PDE1A: variants seen among roughly 807,000 people sequenced by gnomAD.
PDE1A encodes dual specificity calcium/calmodulin-dependent 3',5'-cyclic nucleotide phosphodiesterase 1A.
Under a neutral mutation model 61.7 loss-of-function variants are expected in PDE1A, and 35 were observed. That is an observed-to-expected ratio of 0.57 (90% CI 0.43 to 0.75). The LOEUF is 0.75. Among genes scored for constraint, PDE1A ranks in the 30% least tolerant of loss-of-function variants. The pLI is 0.00. For missense variants in PDE1A, 597 were observed against 630.6 expected (o/e 0.95, Z 0.57); for synonymous variants, 232 against 213.2 (o/e 1.09, Z -0.77).
chr2:182,577,306 ATT>A, the PDE1A span, among the ~76,000 whole-genome samples: 2 of 152,212 alleles, frequency 1.3e-5, no homozygotes, highest in Admixed American at 6.5e-5. Context: ...AAATATTCAT[ATT>A]GTTACCAAAT....
intron 1 of PDE1A, among the ~76,000 whole-genome samples, chr2:182,419,318 T>C (rs2125570997): frequency 6.6e-6 from 1 of 151,718 alleles, no homozygotes; most frequent in South Asian, 2.1e-4. Context: ...ATTGATTTTC[T>C]CATTCTTTTT....
intron 2 of PDE1A, among the ~76,000 whole-genome samples, chr2:182,445,295 T>C (rs755220302): frequency 2.6e-5 from 4 of 152,120 alleles, no homozygotes; most frequent in Non-Finnish European, 4.4e-5. Flanking sequence ...AATGTAAGCC[T>C]AAAGTCAGCT....
At chr2:182,411,788 C>T (rs959245254) in intron 1 of PDE1A, among the ~76,000 whole-genome samples, 1 of 151,964 alleles carries the variant, frequency 6.6e-6, no homozygotes, top group Admixed American at 6.6e-5. Context: ...ACAAAATGGC[C>T]CCAACAACAC....
chr2:182,211,895 T>C (rs1020360329), intron 7 of PDE1A, among the ~76,000 whole-genome samples: 5 of 152,152 alleles, frequency 3.3e-5, no homozygotes, highest in Admixed American at 1.3e-4. Context: ...AGGAGTTTTT[T>C]GGTCAATTCT....
the PDE1A span, among the ~76,000 whole-genome samples, chr2:182,658,373 T>C: frequency 6.6e-6 from 1 of 152,220 alleles, no homozygotes; most frequent in Non-Finnish European, 1.5e-5. Flanking sequence ...TGTGTGCACC[T>C]TTGCCCTCAT....
At chr2:182,520,385 T>C (rs989847410) in intron 2 of PDE1A, among the ~76,000 whole-genome samples, 2 of 151,910 alleles carry the variant, frequency 1.3e-5, no homozygotes, top group Non-Finnish European at 2.9e-5. Flanking sequence ...TAGATAATGA[T>C]TTTTAAAAGA....
At chr2:182,144,045 A>G (rs1690366080), downstream of PDE1A, among the ~76,000 whole-genome samples, 1 of 152,220 alleles carries the variant, frequency 6.6e-6, no homozygotes, top group African/African-American at 2.4e-5. Context: ...ACTGTAGTCA[A>G]CTAAAGAACA....
chr2:182,465,067 C>T (rs1295191449), intron 2 of PDE1A, among the ~76,000 whole-genome samples: 1 of 151,844 alleles, frequency 6.6e-6, no homozygotes, highest in Admixed American at 6.6e-5. Context: ...TTTGACATTG[C>T]CTCAGTTTTT....
At chr2:182,158,635 C>T (rs996595633) in intron 13 of PDE1A, among the ~76,000 whole-genome samples, 3 of 152,178 alleles carry the variant, frequency 2.0e-5, no homozygotes, top group African/African-American at 7.2e-5. Flanking sequence ...GCTAACTCTA[C>T]AAAAATTTCC....
rs376656067 is a variant in PDE1A, at chr2:182,234,419, G to T, written c.417+13C>A. On this transcript the variant is annotated intron_variant, in intron 4 of 13. Transcript: ENST00000351439. ...TGACCATTTTATACACGAAAATAAT[G>T]AAATTATGTCACCTTTAATGTTACG... is the stretch of plus-strand genomic sequence containing the variant. The T allele has an allele frequency of 1.9e-5, 30 of 1,572,864 alleles. 1 individual carries two copies. The highest frequency in any genetic ancestry group is 2.6e-6 in the Non-Finnish European group (3 of 1,151,346).
At chr2:182,331,530 T>C (rs1697408371) in intron 1 of PDE1A, among the ~76,000 whole-genome samples, 1 of 152,224 alleles carries the variant, frequency 6.6e-6, no homozygotes, top group Non-Finnish European at 1.5e-5. Context: ...GGAGCTCTTG[T>C]AAGGCAAACC....
chr2:182,605,184 C>G, the PDE1A span, among the ~76,000 whole-genome samples: 2 of 152,116 alleles, frequency 1.3e-5, no homozygotes, highest in Non-Finnish European at 2.9e-5. Context: ...TTAGACCTAC[C>G]GATGACAAGA....
chr2:182,435,212 T>C (rs1455140741), intron 2 of PDE1A, among the ~76,000 whole-genome samples: 1 of 152,066 alleles, frequency 6.6e-6, no homozygotes, highest in Non-Finnish European at 1.5e-5. Flanking sequence ...ATCCGTTGCT[T>C]AGTGTGTAAT....
At chr2:182,481,614 C>T (rs1193888647) in intron 2 of PDE1A, among the ~76,000 whole-genome samples, 1 of 151,854 alleles carries the variant, frequency 6.6e-6, no homozygotes, top group Non-Finnish European at 1.5e-5. Context: ...GAGGAAGGAC[C>T]TGATTTAAAG....
intron 1 of PDE1A, among the ~76,000 whole-genome samples, chr2:182,405,823 A>C (rs1401579017): frequency 6.6e-6 from 1 of 152,174 alleles, no homozygotes; most frequent in Non-Finnish European, 1.5e-5. Context: ...TAATGAGATA[A>C]ATTTGATCAT....
At chr2:182,459,328 C>G (rs1686124561) in intron 2 of PDE1A, among the ~76,000 whole-genome samples, 1 of 152,036 alleles carries the variant, frequency 6.6e-6, no homozygotes, top group Admixed American at 6.6e-5. Flanking sequence ...ATGTTATAAG[C>G]CTCCCCCTTG....
intron 13 of PDE1A, among the ~76,000 whole-genome samples, chr2:182,160,066 A>C (rs1691296572): frequency 6.6e-6 from 1 of 152,202 alleles, no homozygotes; most frequent in South Asian, 2.1e-4. Context: ...TGTGATCCTC[A>C]CTTTATAAAT....
chr2:182,395,986 A>G (rs1701681827), intron 1 of PDE1A, among the ~76,000 whole-genome samples: 1 of 152,216 alleles, frequency 6.6e-6, no homozygotes, highest in Admixed American at 6.5e-5. Flanking sequence ...TGGGTCATGC[A>G]CAGCAGCATT....
At chr2:182,177,010 C>A (rs1356909265) in intron 13 of PDE1A, among the ~76,000 whole-genome samples, 1 of 150,878 alleles carries the variant, frequency 6.6e-6, no homozygotes, top group East Asian at 2.0e-4. Flanking sequence ...GTATATTGAA[C>A]CAGCCTTGCA....
Sources: allele counts gnomAD v4.1 joint callset (sites outside exome capture counted in the v4.1 genomes callset), GRCh38; gene constraint gnomAD v4.1.1; transcripts MANE v1.5; gene names NCBI Gene and HGNC (gene_info 2026-07-23, HGNC 2026-07-21).